The following SLPI variants were observed in gnomAD, a reference collection of about 807,000 sequenced individuals.
SLPI encodes the protein secretory leukocyte peptidase inhibitor.
Under a neutral mutation model 14.3 loss-of-function variants are expected in SLPI, and 20 were observed. That is an observed-to-expected ratio of 1.40 (90% CI 0.99 to 2.04). The LOEUF (loss-of-function observed/expected upper bound fraction) is 2.04. Ranked by LOEUF, SLPI falls within the 30% of genes most tolerant of loss-of-function variation. The pLI is 0.00. For synonymous variants in SLPI, 68 were observed against 54.8 expected, an observed-to-expected ratio of 1.24 and a Z score of -1.07; for missense variants, 169 against 159.4, an observed-to-expected ratio of 1.06 and a Z score of -0.32.
At chr20:45,254,228 A>AGC (rs1984751925) in intron 1 of SLPI, among the ~76,000 whole-genome samples, 1 of 151,350 alleles carries the variant, frequency 6.6e-6, no homozygotes, top group African/African-American at 2.4e-5. Context: ...AGAGAGAGAG[A>AGC]GAGAGAGTGG....
chr20:45,253,868 C>T (rs16989887), intron 1 of SLPI, 135 bp from the exon 2 acceptor site: 31,252 of 697,152 alleles, frequency 0.045, 1,380 homozygotes, highest in Admixed American at 0.18. Flanking sequence ...AAGGGTCATG[C>T]CTGCCTGATC....
intron 2 of SLPI, 43 bp downstream of exon 2, chr20:45,253,532 C>G: frequency 6.3e-7 from 1 of 1,585,270 alleles, no homozygotes; most frequent in Non-Finnish European, 8.6e-7. Flanking sequence ...AATGCTGTGT[C>G]CCCAGGCTCA....
intron 3 of SLPI, among the ~76,000 whole-genome samples, chr20:45,252,746 A>G (rs969742721): frequency 6.6e-6 from 1 of 152,210 alleles, no homozygotes; most frequent in Non-Finnish European, 1.5e-5. Context: ...TTACCGATAA[A>G]GAAACTGAGA....
chr20:45,253,782 C>G, intron 1 of SLPI, 49 bp from the exon 2 acceptor site: 9 of 1,556,054 alleles, frequency 5.8e-6, no homozygotes, highest in Non-Finnish European at 7.0e-6. Flanking sequence ...GTACTGAGGA[C>G]CCATCATGCC....
In SLPI at chr20:45,252,529, C is replaced by T. The variant is rs547740332; in HGVS notation, c.395-110G>A. On this transcript the variant is annotated intron_variant, in intron 3 of 3. Transcript: ENST00000338380. ...TGAGATAGAGAAAATAGCAAGATAG[C>T]GCTATAGTTGAGAGAGACTTAGTGT... The T allele has an allele frequency of 1.9e-5, 22 of 1,142,092 alleles. No individual in the cohort carries two copies. The East Asian group carries it at 2.9e-4, about 15-fold the overall frequency. 70.7% of individuals were successfully genotyped at this position (1,142,092 alleles called of 1,614,324 possible).
At chr20:45,254,332 C>A in intron 1 of SLPI, 127 bp downstream of exon 1, 2 of 737,674 alleles carry the variant, frequency 2.7e-6, no homozygotes, top group Non-Finnish European at 4.6e-6. Context: ...ATGTATTCCA[C>A]CCTCAGGGAG....
chr20:45,252,975 C>G, intron 3 of SLPI, 27 bp downstream of exon 3: 1 of 1,608,988 alleles, frequency 6.2e-7, no homozygotes, highest in Non-Finnish European at 8.5e-7. Flanking sequence ...CTGGAGGGAG[C>G]TCAGTGTGCC....
chr20:45,252,954 G>A, intron 3 of SLPI, 48 bp downstream of exon 3: 1 of 1,595,610 alleles, frequency 6.3e-7, no homozygotes, highest in African/African-American at 1.3e-5. Context: ...AGAGGGTTGA[G>A]GCTGAGAGGG....
chr20:45,253,924 G>A (rs143038297), intron 1 of SLPI, among the ~76,000 whole-genome samples, 191 bp from the exon 2 acceptor site: 23 of 152,170 alleles, frequency 1.5e-4, no homozygotes, highest in African/African-American at 5.1e-4. Context: ...AATGGACAGG[G>A]GACGTTTCAC....
chr20:45,253,657 G>A lies in SLPI; in HGVS notation c.162C>T (p.Asp54=). 6.2e-7 allele frequency: 1 copy of A among 1,614,150 alleles called. No individual in the cohort carries two copies. Among genetic ancestry groups the A allele is most frequent in the African/African-American group, 1.3e-5 (1 of 75,044 alleles). ...ATCTCTTCTTCCCTGGACACTGCCA[G>A]TCACTCTGGCACTCAGGTTTCTTGT... ...LRYKKPECQS[D]WQCPGKKRCC... Residue 54 remains aspartate (D), a synonymous_variant, in exon 2 of 4, where the codon GAC becomes GAT. Transcript: ENST00000338380.
At chr20:45,254,079 G>A (rs903778709) in intron 1 of SLPI, among the ~76,000 whole-genome samples, 12 of 152,122 alleles carry the variant, frequency 7.9e-5, no homozygotes, top group African/African-American at 2.9e-4. Context: ...GAGAGAAGTT[G>A]AGAGCTAAAG....
chr20:45,254,198 T>TGA (rs144801825), intron 1 of SLPI, among the ~76,000 whole-genome samples: 22,226 of 135,174 alleles, frequency 0.16, 1,811 homozygotes, highest in Non-Finnish European at 0.18. Context: ...AGGCGGAGTA[T>TGA]GAGAGAGAGA....
At chr20:45,253,553 C>A (rs753701907) in intron 2 of SLPI, 22 bp downstream of exon 2, 1 of 1,607,882 alleles carries the variant, frequency 6.2e-7, no homozygotes, top group African/African-American at 1.3e-5. Flanking sequence ...CTCCTCTCTA[C>A]CCAGTTCCCC....
chr20:45,252,936 G>A (rs60478948), intron 3 of SLPI, 66 bp downstream of exon 3: 66,209 of 1,546,582 alleles, frequency 0.043, 2,991 homozygotes, highest in Admixed American at 0.21. Context: ...CCATATGCCT[G>A]GGCCTCCAGA....
At chr20:45,252,454 G>C (rs1984689039) in intron 3 of SLPI, 35 bp from the exon 4 acceptor site, 1 of 1,612,814 alleles carries the variant, frequency 6.2e-7, no homozygotes, top group Non-Finnish European at 8.5e-7. Flanking sequence ...CTTCAGCATA[G>C]AAACCAGCCA....
intron 2 of SLPI, 40 bp downstream of exon 2, chr20:45,253,535 C>G: frequency 6.3e-7 from 1 of 1,591,610 alleles, no homozygotes; most frequent in South Asian, 1.2e-5. Flanking sequence ...GCTGTGTCCC[C>G]AGGCTCACTC....
chr20:45,253,080 CACAGAAAT>C lies in SLPI; in HGVS notation c.308_315del (p.Asn103ArgfsTer9), dbSNP rs1600670045. The C allele has an allele frequency of 2.5e-6, 4 of 1,614,214 alleles. No individual in the cohort carries two copies. In the East Asian group the frequency reaches 8.9e-5, roughly 36 times the overall value. Reference sequence around the variant, plus strand: ...TCACGCTTGCACTGGCCATCCATCTCACAGAAATTGGGGGGGTTAAGCATCAAACATTG... The same window carrying C: ...TCACGCTTGCACTGGCCATCCATCTCTGGGGGGGTTAAGCATCAAACATTG... On this transcript the variant is annotated frameshift_variant, in exon 3 of 4. Coordinates refer to ENST00000338380, the MANE Select transcript of SLPI (RefSeq NM_003064.4). LOFTEE classifies it high-confidence loss of function.
intron 3 of SLPI, 118 bp downstream of exon 3, chr20:45,252,884 G>C: frequency 9.2e-7 from 1 of 1,089,860 alleles, no homozygotes; most frequent in South Asian, 1.5e-5. Flanking sequence ...AAGGGAGTCA[G>C]ACAGAGGCTG....
Position 45,252,359 on chromosome 20 carries a change from G to C in SLPI, c.*56C>G. On this transcript the variant is annotated 3_prime_UTR_variant, in exon 4 of 4. Coordinates refer to ENST00000338380, the MANE Select transcript of SLPI (RefSeq NM_003064.4). ...AGTGGTGGAGCCAAGTCTCAGGGTG[G>C]AAAGGACCTGGACCACACAGAGCAG... The C allele has an allele frequency of 6.3e-7, 1 of 1,596,236 alleles. No homozygotes were observed. The highest frequency in any genetic ancestry group is 2.2e-5 in the East Asian group (1 of 44,484).
Sources: gnomAD v4.1 joint callset for allele counts (sites outside exome capture counted in the v4.1 genomes callset) on GRCh38, gnomAD v4.1.1 for gene constraint, MANE v1.5 for transcripts, NCBI Gene and HGNC (gene_info 2026-07-23, HGNC 2026-07-21) for gene names.